Variants in NCKAP1 observed in about 807,000 individuals in gnomAD.
The protein encoded by NCKAP1 is nck-associated protein 1.
NCKAP1 carries 21 observed loss-of-function variants against 151.2 expected under a neutral mutation model. The ratio of observed to expected loss-of-function variants is 0.14; its 90% CI spans 0.10 to 0.20. The LOEUF is 0.20. Among genes scored for constraint, NCKAP1 ranks in the 10% least tolerant of loss-of-function variants. NCKAP1 has a pLI of 1.00. For missense variants in NCKAP1, 933 were observed against 1,352.1 expected (o/e 0.69, Z 4.86); for synonymous variants, 484 against 451.8 (o/e 1.07, Z -0.90).
In NCKAP1 at chr2:183,038,124, GCCGGCCGCCTCGCGCC is replaced by G; in HGVS notation, c.-41_-26del. ...TGGTGGTGCTGGTGCCGCCGCCGCCGCCGGCCGCCTCGCGCCCAGTCACGGGCCCGCGGCCTTCGCA... is the reference window on the plus strand; with the variant it reads ...TGGTGGTGCTGGTGCCGCCGCCGCCGCAGTCACGGGCCCGCGGCCTTCGCA... On this transcript the variant is annotated 5_prime_UTR_variant, in exon 1 of 31. Coordinates refer to ENST00000361354, the MANE Select transcript of NCKAP1 (RefSeq NM_013436.5). The G allele has an allele frequency of 6.6e-7, 1 of 1,512,446 alleles. No homozygotes were observed. Among genetic ancestry groups the G allele is most frequent in the South Asian group, 1.2e-5 (1 of 81,934 alleles). 93.7% of individuals were successfully genotyped at this position (1,512,446 alleles called of 1,614,324 possible).
At chr2:182,978,777 A>T (rs1269513967) in intron 14 of NCKAP1, 57 bp downstream of exon 14, 4 of 1,036,974 alleles carry the variant, frequency 3.9e-6, no homozygotes, top group Non-Finnish European at 4.2e-6. Context: ...CTCCTTAATA[A>T]TCAAGTTTGA....
chr2:182,938,722 T>A (rs1011842491), intron 24 of NCKAP1, among the ~76,000 whole-genome samples: 2 of 152,144 alleles, frequency 1.3e-5, no homozygotes, highest in African/African-American at 4.8e-5. Context: ...AACTGCTTTG[T>A]GGGAATGAAT....
At chr2:183,000,633 C>T (rs898886176) in intron 6 of NCKAP1, among the ~76,000 whole-genome samples, 4 of 152,082 alleles carry the variant, frequency 2.6e-5, no homozygotes, top group African/African-American at 7.2e-5. Context: ...AAAACTGATG[C>T]CATCTACTAG....
intron 19 of NCKAP1, 103 bp downstream of exon 19, chr2:182,957,354 G>T: frequency 8.5e-7 from 1 of 1,173,458 alleles, no homozygotes; most frequent in South Asian, 2.3e-5. Context: ...GGAAAATGAA[G>T]AATATACAAT....
At chr2:183,034,422 G>T (rs1479162732) in intron 1 of NCKAP1, among the ~76,000 whole-genome samples, 1 of 150,792 alleles carries the variant, frequency 6.6e-6, no homozygotes, top group Non-Finnish European at 1.5e-5. Flanking sequence ...TACAGTACAG[G>T]CAGAAATTTA....
chr2:183,028,607 A>C (rs1210551202), intron 1 of NCKAP1, among the ~76,000 whole-genome samples: 1 of 152,144 alleles, frequency 6.6e-6, no homozygotes, highest in Non-Finnish European at 1.5e-5. Flanking sequence ...AGCCTCAGTT[A>C]CCTAACCCAT....
At chr2:183,033,006 G>A (rs1424065780) in intron 1 of NCKAP1, among the ~76,000 whole-genome samples, 1 of 152,174 alleles carries the variant, frequency 6.6e-6, no homozygotes, top group African/African-American at 2.4e-5. Context: ...CTGAGATCGT[G>A]CCATTGTACT....
At position 182,919,465 on chromosome 2, in the gene NCKAP1, A is replaced by G. The variant is rs920107336; in HGVS notation, c.*6237T>C. ...GCATGCAATCAATGACCATGTGACTAACGTAAGTTATGGTCATACCTAATT... is the reference window on the plus strand; with the variant it reads ...GCATGCAATCAATGACCATGTGACTGACGTAAGTTATGGTCATACCTAATT... On this transcript the variant is annotated 3_prime_UTR_variant, in exon 31 of 31. Coordinates refer to ENST00000361354, the MANE Select transcript of NCKAP1 (RefSeq NM_013436.5). 6.6e-6 allele frequency: 1 copy of G among 152,230 alleles called. No individual in the cohort carries two copies. The highest frequency in any genetic ancestry group is 2.4e-5 in the African/African-American group (1 of 41,462). The allele number at this position is 152,230 out of a possible 1,614,324, so 9.4% of individuals were successfully genotyped here.
In NCKAP1 at chr2:182,987,365, T is replaced by G. The variant is rs570427004; in HGVS notation, c.948-1138A>C. Among the ~76,000 whole-genome samples the G allele has an allele frequency of 1.2e-4, 19 of 152,312 alleles. No homozygotes were observed. The South Asian group carries it at 3.9e-3, about 32-fold the overall frequency. On this transcript the variant is annotated intron_variant, in intron 9 of 30. Coordinates refer to ENST00000361354, the MANE Select transcript of NCKAP1 (RefSeq NM_013436.5). Reference sequence around the variant, plus strand: ...TGAGCAAATTTCCAAAATATAATAATTCTGTAATCATCACCCTCTATAATT... The same window carrying G: ...TGAGCAAATTTCCAAAATATAATAAGTCTGTAATCATCACCCTCTATAATT...
chr2:182,936,331 C>T (rs1696873776), intron 24 of NCKAP1, among the ~76,000 whole-genome samples: 1 of 152,014 alleles, frequency 6.6e-6, no homozygotes, highest in Admixed American at 6.6e-5. Flanking sequence ...TTTTATAAAG[C>T]CAAAACAAAC....
Position 182,920,834 on chromosome 2 carries a change from C to A in NCKAP1, c.*4868G>T, listed in dbSNP as rs1696539806. ...GGGGACACAAACATTCAGACCACAGCACAAAGGTTAGGGACAACTTCTTAA... is the reference window on the plus strand; with the variant it reads ...GGGGACACAAACATTCAGACCACAGAACAAAGGTTAGGGACAACTTCTTAA... On this transcript the variant is annotated 3_prime_UTR_variant, in exon 31 of 31. Transcript: ENST00000361354. The A allele has an allele frequency of 6.6e-6, 1 of 151,816 alleles. No homozygotes were observed. The highest frequency in any genetic ancestry group is 2.4e-5 in the African/African-American group (1 of 41,312). 9.4% of individuals were successfully genotyped at this position (151,816 alleles called of 1,614,324 possible). A position where few individuals can be genotyped will look rare whatever the true frequency, so the allele number is the denominator to read the frequency against.
At chr2:182,973,784 CCTTTATACTCAAAAGTCTCTTTACTTGCT>C (rs1436273145) in intron 15 of NCKAP1, among the ~76,000 whole-genome samples, 1 of 152,240 alleles carries the variant, frequency 6.6e-6, no homozygotes, top group African/African-American at 2.4e-5. Context: ...TTACAGTAAT[CCTTTATACTCAAAAGTCTCTTTACTTGCT>C]CTTTACTCAT....
chr2:182,910,949 CT>C lies in NCKAP1; in HGVS notation c.*14752del, dbSNP rs143379332. ...TTGGAAATAAAAATAAAATCCTAAG[CT>C]CCCCCCCCACATTTGACTAAACAGA... On this transcript the variant is annotated 3_prime_UTR_variant, in exon 31 of 31. Transcript: ENST00000361354. The C allele has an allele frequency of 0.14, 8,330 of 58,698 alleles. 489 individuals carry two copies. Among genetic ancestry groups the C allele is most frequent in the Non-Finnish European group, 0.24 (5,456 of 22,886 alleles). 3.6% of individuals were successfully genotyped at this position (58,698 alleles called of 1,614,324 possible).
chr2:182,946,739 CAAAAAA>C (rs5836861), intron 23 of NCKAP1, among the ~76,000 whole-genome samples: 1 of 132,506 alleles, frequency 7.5e-6, no homozygotes, highest in Non-Finnish European at 1.6e-5. Context: ...ATAAACCTAC[CAAAAAA>C]AAAAAAAAGG....
At position 182,982,870 on chromosome 2, in the gene NCKAP1, G is replaced by T. The variant is rs557066776; in HGVS notation, c.1159C>A (p.Arg387Ser). 7 of 1,611,532 alleles carry T rather than the reference G, an allele frequency of 4.3e-6. No individual in the cohort carries two copies. Among genetic ancestry groups the T allele is most frequent in the African/African-American group, 1.3e-5 (1 of 74,820 alleles). ...FARDEIIWLL[R>S]HADNMPKKSA... ...TTCTTTGGCATGTTATCTGCATGAC[G>T]AAGTAGCCAGATGATTTCATCACGG... Residue 387 changes from arginine (R) to serine (S), a missense_variant, in exon 12 of 31, where the codon CGT becomes AGT. By Grantham distance (110) the Arg-to-Ser change is moderately radical (BLOSUM62 -1). Around this residue, in one of 2 missense-constraint regions of NCKAP1, gnomAD observed 607 missense variants for 795.0 expected, o/e 0.76. Transcript: ENST00000361354.
At chr2:183,017,390 T>C (rs1365363737) in intron 2 of NCKAP1, among the ~76,000 whole-genome samples, 5 of 152,160 alleles carry the variant, frequency 3.3e-5, no homozygotes, top group Non-Finnish European at 5.9e-5. Context: ...CTGGGGGTGA[T>C]GGGAGACGGT....
At chr2:182,989,529 G>C (rs1698125288) in intron 8 of NCKAP1, among the ~76,000 whole-genome samples, 1 of 152,108 alleles carries the variant, frequency 6.6e-6, no homozygotes, top group Non-Finnish European at 1.5e-5. Context: ...AATCATTACA[G>C]TTGTTATAAT....
At chr2:182,956,808 G>A (rs768237560) in intron 19 of NCKAP1, 83 of 453,396 alleles carry the variant, frequency 1.8e-4, no homozygotes, top group Admixed American at 4.3e-5. Context: ...CCTTTAGGTA[G>A]TAATGAATAT....
rs765418272 is a variant in NCKAP1 at position 183,023,935 on chromosome 2, A to T, written c.109-19T>A. 3 of 1,500,492 alleles carry T rather than the reference A, an allele frequency of 2.0e-6. No homozygotes were observed. Among genetic ancestry groups the T allele is most frequent in the East Asian group, 2.3e-5 (1 of 43,516 alleles). The allele number at this position is 1,500,492 out of a possible 1,614,324, so 92.9% of individuals were successfully genotyped here. ...CACATGCCTATAAAACAACAGTAAT[A>T]AAAAAAAGTGAAATGCACCCTTCTT... On this transcript the variant is annotated intron_variant, in intron 1 of 30. Coordinates refer to ENST00000361354, the MANE Select transcript of NCKAP1 (RefSeq NM_013436.5).
Sources: allele counts gnomAD v4.1 joint callset (sites outside exome capture counted in the v4.1 genomes callset), GRCh38; gene constraint gnomAD v4.1.1; regional missense constraint gnomAD v4.1.1; transcripts MANE v1.5; gene names NCBI Gene and HGNC (gene_info 2026-07-23, HGNC 2026-07-21).